MYO7A: variants seen among roughly 807,000 people sequenced by gnomAD.
MYO7A encodes the protein unconventional myosin-VIIa.
Under a neutral mutation model 263.8 loss-of-function variants are expected in MYO7A, and 210 were observed. The observed-to-expected ratio is 0.80, with a 90% CI of 0.71 to 0.89. The LOEUF (loss-of-function observed/expected upper bound fraction) is 0.89, where lower values mean the gene tolerates loss of function less well. MYO7A is among the 40% of genes least tolerant of loss of function. MYO7A has a pLI of 0.00. For missense variants in MYO7A, 2,820 were observed against 2,968.3 expected (o/e 0.95, Z 1.16); for synonymous variants, 1,239 against 1,197.3 (o/e 1.03, Z -0.72).
intron 2 of MYO7A, among the ~76,000 whole-genome samples, chr11:77,133,491 T>C (rs112140924): frequency 1.1e-4 from 16 of 152,374 alleles, no homozygotes; most frequent in African/African-American, 3.4e-4. Flanking sequence ...CTTGTAATGA[T>C]TTTGACTTAA....
chr11:77,131,284 G>A (rs112146493), intron 2 of MYO7A, among the ~76,000 whole-genome samples: 18 of 152,344 alleles, frequency 1.2e-4, no homozygotes, highest in African/African-American at 4.1e-4. Context: ...CGTAGGGCTT[G>A]TGGGGCTGTG....
In MYO7A at chr11:77,190,837, C is replaced by T. The variant is rs375475374; in HGVS notation, c.3891C>T (p.Phe1297=). 1.0e-5 allele frequency: 16 copies of T among 1,586,120 alleles called. No homozygotes were observed. The highest frequency in any genetic ancestry group is 5.4e-5 in the African/African-American group (4 of 74,242). ...LADKISLKDR[F]GFSLYIALFD... Reference sequence around the variant, plus strand: ...ACAAGATCTCTCTCAAGGACCGGTTCGGGTTCTCCCTCTACATTGCCCTGT... The same window carrying T: ...ACAAGATCTCTCTCAAGGACCGGTTTGGGTTCTCCCTCTACATTGCCCTGT... Residue 1297 remains phenylalanine (F), a synonymous_variant, in exon 30 of 49, where the codon TTC becomes TTT. Coordinates refer to ENST00000409709, the MANE Select transcript of MYO7A (RefSeq NM_000260.4).
intron 40 of MYO7A, 46 bp downstream of exon 40, chr11:77,205,663 T>C: frequency 6.2e-7 from 1 of 1,608,096 alleles, no homozygotes; most frequent in Non-Finnish European, 8.5e-7. Context: ...GGCGGGCTCC[T>C]GGCCACGCGG....
rs1958053616 is a variant in MYO7A, at chr11:77,214,832, A to G, written c.*136A>G. The G allele has an allele frequency of 1.5e-6, 1 of 668,528 alleles. No individual in the cohort carries two copies. The highest frequency in any genetic ancestry group is 2.5e-6 in the Non-Finnish European group (1 of 393,088). 41.4% of individuals were successfully genotyped at this position (668,528 alleles called of 1,614,324 possible). On this transcript the variant is annotated 3_prime_UTR_variant, in exon 49 of 49. Transcript: ENST00000409709. Reference sequence around the variant, plus strand: ...CTGGGCTGGCCAGCCACCACTGACTATACCAACTGGGCCTCTGATGTTCTT... The same window carrying G: ...CTGGGCTGGCCAGCCACCACTGACTGTACCAACTGGGCCTCTGATGTTCTT...
At chr11:77,150,961 C>T (rs999989032) in intron 4 of MYO7A, among the ~76,000 whole-genome samples, 1 of 152,212 alleles carries the variant, frequency 6.6e-6, no homozygotes, top group Non-Finnish European at 1.5e-5. Context: ...GATTGGGTTA[C>T]CCTGGGCACA....
rs1555078790 is a variant in MYO7A at position 77,174,737 on chromosome 11, T to C, written c.1936-19T>C. ...AGCAGGAGCCTTGGCCCTGATGCCCTTGGCTGTGTGCCTGGCAGCTGTTCG... is the reference window on the plus strand; with the variant it reads ...AGCAGGAGCCTTGGCCCTGATGCCCCTGGCTGTGTGCCTGGCAGCTGTTCG... On this transcript the variant is annotated intron_variant, in intron 16 of 48. Coordinates refer to ENST00000409709, the MANE Select transcript of MYO7A (RefSeq NM_000260.4). 2.6e-6 allele frequency: 4 copies of C among 1,564,714 alleles called. No homozygotes were observed. Among genetic ancestry groups the C allele is most frequent in the Non-Finnish European group, 3.5e-6 (4 of 1,155,784 alleles).
chr11:77,179,618 C>T (rs1239009788), intron 20 of MYO7A, 117 bp from the exon 21 acceptor site: 10 of 871,588 alleles, frequency 1.1e-5, no homozygotes, highest in Non-Finnish European at 1.7e-5. Flanking sequence ...GAGACTGGGC[C>T]ACGCCTTCTG....
chr11:77,194,355 A>C lies in MYO7A; in HGVS notation c.4154A>C (p.Glu1385Ala). 6.2e-7 allele frequency: 1 copy of C among 1,611,226 alleles called. No homozygotes were observed. The highest frequency in any genetic ancestry group is 8.5e-7 in the Non-Finnish European group (1 of 1,178,748). The change falls in exon 32 of 49, where the codon GAG becomes GCG. Residue 1385 changes from glutamate to alanine, a missense_variant and splice_region_variant. Coordinates refer to ENST00000409709, the MANE Select transcript of MYO7A (RefSeq NM_000260.4). The part of the protein sequence containing the change: ...VKFGEYRCEK[E>A]DDLAELASQQ... ...TGACCGAGGCCTCCCCCCACCTAGG[A>C]GGACGACCTGGCTGAGCTGGCCTCC...
At position 77,190,812 on chromosome 11, in the gene MYO7A, A is replaced by G. The variant is rs1474147212; in HGVS notation, c.3866A>G (p.Asp1289Gly). The G allele has an allele frequency of 6.3e-7, 1 of 1,591,226 alleles. No homozygotes were observed. The highest frequency in any genetic ancestry group is 1.3e-5 in the African/African-American group (1 of 74,114). The change falls in exon 30 of 49, where the codon GAC becomes GGC. Residue 1289 changes from aspartate (D) to glycine (G), a missense_variant. Physicochemically the swap from Asp to Gly is moderately conservative, Grantham distance 94. Coordinates refer to ENST00000409709, the MANE Select transcript of MYO7A (RefSeq NM_000260.4). ...TAKELCNALA[D>G]KISLKDRFGF... ...AAGGAGCTCTGCAACGCGCTGGCCG[A>G]CAAGATCTCTCTCAAGGACCGGTTC...
Position 77,142,519 on chromosome 11 carries a change from G to T in MYO7A, c.19-190G>T, listed in dbSNP as rs1555051202. On this transcript the variant is annotated intron_variant, in intron 2 of 48. Coordinates refer to ENST00000409709, the MANE Select transcript of MYO7A (RefSeq NM_000260.4). ...GCTGTTCTAGAGGGGGGATTGATGA[G>T]ATTGCATAAATGCCCAGCCCAGGGC... 3 of 667,308 alleles carry T rather than the reference G, an allele frequency of 4.5e-6. No homozygotes were observed. In the East Asian group the frequency reaches 8.8e-5, roughly 20 times the overall value. The allele number at this position is 667,308 out of a possible 1,614,324, so 41.3% of individuals were successfully genotyped here. A position where few individuals can be genotyped will look rare whatever the true frequency, so the allele number is the denominator to read the frequency against.
rs1385274822 is a variant in MYO7A at position 77,156,793 on chromosome 11, G to A, written c.592+12G>A. 1.1e-5 allele frequency: 17 copies of A among 1,613,880 alleles called. No individual in the cohort carries two copies. Among genetic ancestry groups the A allele is most frequent in the Admixed American group, 1.7e-5 (1 of 60,012 alleles). ...CCCCATTCTGGAAGGTAGGACCAGA[G>A]TTCCGAGGGTGGGACCAGGCAGTGG... On this transcript the variant is annotated intron_variant, in intron 6 of 48. Coordinates refer to ENST00000409709, the MANE Select transcript of MYO7A (RefSeq NM_000260.4).
At chr11:77,162,367 G>C (rs1310598885) in intron 13 of MYO7A, 37 bp downstream of exon 13, 7 of 1,537,278 alleles carry the variant, frequency 4.6e-6, no homozygotes, top group Non-Finnish European at 6.2e-6. Flanking sequence ...AGGGTCTTGG[G>C]TGCGCACAGC....
chr11:77,209,113 C>G (rs1957688655), intron 44 of MYO7A: 1 of 328,510 alleles, frequency 3.0e-6, no homozygotes, highest in Middle Eastern at 8.3e-4. Flanking sequence ...CTGGGTAATT[C>G]CAAGGCCTCT....
At chr11:77,195,177 G>A (rs1001054952) in intron 32 of MYO7A, among the ~76,000 whole-genome samples, 4 of 152,028 alleles carry the variant, frequency 2.6e-5, no homozygotes, top group Non-Finnish European at 4.4e-5. Flanking sequence ...CGTGGCCTCC[G>A]TCCTCACCCG....
chr11:77,202,402 G>T lies in MYO7A; in HGVS notation c.5146G>T (p.Glu1716Ter), dbSNP rs1236207116. The T allele has an allele frequency of 1.9e-6, 3 of 1,553,352 alleles. No individual in the cohort carries two copies. The highest frequency in any genetic ancestry group is 2.6e-6 in the Non-Finnish European group (3 of 1,148,088). The part of the protein sequence containing the change: ...EVRAKPYTLE[E>*]FSYDYFRPPP... ...GCGTGCCAAGCCCTACACGCTGGAG[G>T]AGTTTTCCTATGACTACTTCAGGTG... Residue 1716 changes from glutamate (E) to a stop codon, truncating the protein, a stop_gained, in exon 37 of 49, where the codon GAG becomes TAG. Transcript: ENST00000409709. LOFTEE classifies it high-confidence loss of function.
At chr11:77,200,387 G>T (rs1956986310) in intron 35 of MYO7A, among the ~76,000 whole-genome samples, 1 of 152,198 alleles carries the variant, frequency 6.6e-6, no homozygotes, top group South Asian at 2.1e-4. Context: ...TGCATCAGAA[G>T]GAAGGAAGAG....
At chr11:77,177,238 G>A (rs112421490) in intron 18 of MYO7A, among the ~76,000 whole-genome samples, 3 of 152,178 alleles carry the variant, frequency 2.0e-5, no homozygotes, top group Non-Finnish European at 4.4e-5. Context: ...AGAAGCAGGG[G>A]GCTTGGGCAG....
chr11:77,209,032 C>T lies in MYO7A; in HGVS notation c.6051+229C>T, dbSNP rs763704202. On this transcript the variant is annotated intron_variant, in intron 44 of 48. Transcript: ENST00000409709. ...CTTGACAGTTCCTCCTCTGAGCTTC[C>T]GATCCCTACCTGTTCAGGCCCCTCC... 7.1e-4 allele frequency: 400 copies of T among 565,744 alleles called. 4 individuals carry two copies. The highest frequency in any genetic ancestry group is 1.8e-4 in the Non-Finnish European group (57 of 316,088). The allele number at this position is 565,744 out of a possible 1,614,324, so 35.0% of individuals were successfully genotyped here.
In MYO7A at chr11:77,184,577, C is replaced by T. The variant is rs1555087092; in HGVS notation, c.3376-11C>T. On this transcript the variant is annotated splice_polypyrimidine_tract_variant and intron_variant, in intron 26 of 48. Coordinates refer to ENST00000409709, the MANE Select transcript of MYO7A (RefSeq NM_000260.4). ...TAACTTTACCTGCCCTGTCCTCTCC[C>T]TCTGGCCCAGGTGACCAAGAGGCTG... 2 of 1,557,436 alleles carry T rather than the reference C, an allele frequency of 1.3e-6. No homozygotes were observed. The highest frequency in any genetic ancestry group is 4.8e-5 in the East Asian group (2 of 41,514).
Sources: allele counts gnomAD v4.1 joint callset (sites outside exome capture counted in the v4.1 genomes callset), GRCh38; gene constraint gnomAD v4.1.1; transcripts MANE v1.5; gene names NCBI Gene and HGNC (gene_info 2026-07-23, HGNC 2026-07-21).